KCNH7: variants seen among roughly 807,000 people sequenced by gnomAD.
KCNH7 encodes the protein potassium voltage-gated channel subfamily H member 7, also known as voltage-gated inwardly rectifying potassium channel KCNH7.
In KCNH7, 49 loss-of-function variants were observed where a neutral mutation model predicts 120.8. The ratio of observed to expected loss-of-function variants is 0.41; its 90% CI spans 0.32 to 0.51. The LOEUF (loss-of-function observed/expected upper bound fraction) is 0.51, where lower values mean the gene tolerates loss of function less well. Among genes scored for constraint, KCNH7 ranks in the 20% least tolerant of loss-of-function variants. KCNH7 has a pLI of 0.38. For missense variants in KCNH7, 1,097 were observed against 1,446.6 expected, an observed-to-expected ratio of 0.76 and a Z score of 3.92; for synonymous variants, 547 against 516.1, an observed-to-expected ratio of 1.06 and a Z score of -0.81.
intron 2 of KCNH7, among the ~76,000 whole-genome samples, chr2:162,755,012 AG>A (rs111960922): frequency 0.1 from 15,477 of 152,186 alleles, 2,142 homozygotes; most frequent in African/African-American, 0.31. Flanking sequence ...AGAAATACAA[AG>A]CTTCCTACTT....
At chr2:162,724,490 G>A (rs1290985868) in intron 2 of KCNH7, among the ~76,000 whole-genome samples, 7 of 151,272 alleles carry the variant, frequency 4.6e-5, no homozygotes, top group Non-Finnish European at 1.0e-4. Context: ...GGCTAAAAAG[G>A]TGAAACCCCG....
intron 6 of KCNH7, among the ~76,000 whole-genome samples, chr2:162,484,145 T>A (rs1363404211): frequency 6.6e-6 from 1 of 151,970 alleles, no homozygotes; most frequent in Non-Finnish European, 1.5e-5. Flanking sequence ...GTTTTGATAT[T>A]GGGAAGCTCA....
intron 2 of KCNH7, among the ~76,000 whole-genome samples, chr2:162,655,686 C>T (rs933017342): frequency 1.4e-4 from 21 of 151,750 alleles, no homozygotes; most frequent in African/African-American, 4.6e-4. Context: ...CCAGCTACTT[C>T]GGAGGCTGAG....
At chr2:162,450,880 A>G (rs186102323) in intron 6 of KCNH7, among the ~76,000 whole-genome samples, 2 of 152,124 alleles carry the variant, frequency 1.3e-5, no homozygotes, top group East Asian at 3.9e-4. Flanking sequence ...AGCCTACACT[A>G]GGAACCAGGT....
intron 2 of KCNH7, among the ~76,000 whole-genome samples, chr2:162,576,115 T>C (rs1375682417): frequency 1.3e-5 from 2 of 152,056 alleles, no homozygotes; most frequent in Non-Finnish European, 2.9e-5. Flanking sequence ...TAAAGCAAGA[T>C]CATGGCTGCA....
At chr2:162,619,485 A>T (rs1427050675) in intron 2 of KCNH7, among the ~76,000 whole-genome samples, 1 of 151,842 alleles carries the variant, frequency 6.6e-6, no homozygotes, top group South Asian at 2.1e-4. Context: ...AAAAAGCCAA[A>T]TCCCTTTCCT....
intron 6 of KCNH7, among the ~76,000 whole-genome samples, chr2:162,474,858 C>T (rs73020617): frequency 0.09 from 13,671 of 151,988 alleles, 846 homozygotes; most frequent in African/African-American, 0.18. Flanking sequence ...TGACAGTGTG[C>T]ACTCTCACAC....
intron 6 of KCNH7, among the ~76,000 whole-genome samples, chr2:162,472,715 T>C (rs1275306721): frequency 6.6e-6 from 1 of 152,178 alleles, no homozygotes; most frequent in African/African-American, 2.4e-5. Context: ...GAAATACCAT[T>C]TGACCCAGCC....
chr2:162,659,603 A>G (rs1295452127), intron 2 of KCNH7, among the ~76,000 whole-genome samples: 1 of 152,122 alleles, frequency 6.6e-6, no homozygotes, highest in Non-Finnish European at 1.5e-5. Flanking sequence ...TCAACCTCCC[A>G]AAGTGCTGGG....
intron 2 of KCNH7, among the ~76,000 whole-genome samples, chr2:162,687,523 A>G (rs1420818367): frequency 6.6e-6 from 1 of 152,126 alleles, no homozygotes; most frequent in African/African-American, 2.4e-5. Flanking sequence ...ATTTAACAGG[A>G]AATATGGCCT....
At chr2:162,688,904 T>C (rs16847138) in intron 2 of KCNH7, among the ~76,000 whole-genome samples, 49,868 of 151,598 alleles carry the variant, frequency 0.33, 13,384 homozygotes, top group African/African-American at 0.73. Flanking sequence ...GAATGAATCC[T>C]TTTTCTGTTG....
intron 2 of KCNH7, among the ~76,000 whole-genome samples, chr2:162,815,460 G>A (rs1684884299): frequency 1.3e-5 from 2 of 152,156 alleles, no homozygotes; most frequent in African/African-American, 4.8e-5. Context: ...AAAATCTTAT[G>A]AAGTAATGCA....
chr2:162,500,569 A>G (rs1423075728), intron 6 of KCNH7, among the ~76,000 whole-genome samples: 1 of 151,966 alleles, frequency 6.6e-6, no homozygotes, highest in East Asian at 1.9e-4. Flanking sequence ...GAGACAGAAC[A>G]ACAGGAGCAG....
At chr2:162,563,461 G>A (rs900130608) in intron 2 of KCNH7, among the ~76,000 whole-genome samples, 1 of 152,020 alleles carries the variant, frequency 6.6e-6, no homozygotes, top group Non-Finnish European at 1.5e-5. Flanking sequence ...TGGTGGTTTT[G>A]CTTGCATGGC....
chr2:162,451,521 C>G (rs892348194), intron 6 of KCNH7, among the ~76,000 whole-genome samples: 3 of 151,904 alleles, frequency 2.0e-5, no homozygotes, highest in African/African-American at 2.4e-5. Context: ...CTTGGCTAGT[C>G]AATTTTTCTT....
intron 6 of KCNH7, among the ~76,000 whole-genome samples, chr2:162,447,152 A>T (rs770260990): frequency 4.6e-5 from 7 of 152,060 alleles, no homozygotes; most frequent in Non-Finnish European, 7.4e-5. Context: ...CAGAATATTG[A>T]CCTGGAAATG....
At chr2:162,475,981 G>A (rs1689727597) in intron 6 of KCNH7, among the ~76,000 whole-genome samples, 2 of 152,188 alleles carry the variant, frequency 1.3e-5, no homozygotes, top group Non-Finnish European at 2.9e-5. Context: ...ATCAATGGGT[G>A]AGATAATTCA....
intron 9 of KCNH7, among the ~76,000 whole-genome samples, chr2:162,414,649 ATATAAG>A (rs1402561476): frequency 6.6e-6 from 1 of 152,092 alleles, no homozygotes; most frequent in African/African-American, 2.4e-5. Context: ...ATACATGCAA[ATATAAG>A]TATAATTATA....
intron 8 of KCNH7, among the ~76,000 whole-genome samples, chr2:162,434,934 T>G (rs1688189705): frequency 6.6e-6 from 1 of 152,090 alleles, no homozygotes; most frequent in African/African-American, 2.4e-5. Flanking sequence ...TGTATAGCAG[T>G]AAAACTGGAC....
Sources: gnomAD v4.1 joint callset for allele counts (sites outside exome capture counted in the v4.1 genomes callset) on GRCh38, gnomAD v4.1.1 for gene constraint, MANE v1.5 for transcripts, NCBI Gene and HGNC (gene_info 2026-07-23, HGNC 2026-07-21) for gene names.